Variants in KIAA1549L observed in about 807,000 individuals in gnomAD.
KIAA1549L encodes the protein KIAA1549 like, also known as UPF0606 protein KIAA1549L.
KIAA1549L carries 88 observed loss-of-function variants against 160.7 expected under a neutral mutation model. That is an observed-to-expected ratio of 0.55 (90% CI 0.46 to 0.65). The LOEUF (loss-of-function observed/expected upper bound fraction) is 0.65. KIAA1549L is among the 30% of genes least tolerant of loss of function. KIAA1549L has a pLI of 0.00. For missense variants in KIAA1549L, 2,258 were observed against 2,437.5 expected (o/e 0.93, Z 1.55); for synonymous variants, 950 against 976.7 (o/e 0.97, Z 0.51).
At chr11:33,536,269 G>A (rs1853891135) in intron 1 of KIAA1549L, among the ~76,000 whole-genome samples, 1 of 152,238 alleles carries the variant, frequency 6.6e-6, no homozygotes, top group Non-Finnish European at 1.5e-5. Context: ...AGGGCACAGT[G>A]CGGATGGCTT....
intron 1 of KIAA1549L, among the ~76,000 whole-genome samples, chr11:33,381,564 C>G (rs1423844352): frequency 1.3e-5 from 2 of 152,212 alleles, no homozygotes; most frequent in African/African-American, 4.8e-5. Flanking sequence ...ATAGGACTTA[C>G]TGGCCATGGT....
At chr11:33,657,671 C>T (rs1307443631) in intron 18 of KIAA1549L, among the ~76,000 whole-genome samples, 1 of 152,200 alleles carries the variant, frequency 6.6e-6, no homozygotes, top group Non-Finnish European at 1.5e-5. Context: ...CTGGCATGCA[C>T]CTATAATCCC....
chr11:33,642,065 G>A (rs1006570787), intron 16 of KIAA1549L, among the ~76,000 whole-genome samples: 1 of 152,122 alleles, frequency 6.6e-6, no homozygotes, highest in African/African-American at 2.4e-5. Flanking sequence ...GTGCAGGGAT[G>A]TTTCTCTTCA....
At chr11:33,408,510 T>TATATACAC (rs58439063) in intron 1 of KIAA1549L, among the ~76,000 whole-genome samples, 7 of 146,102 alleles carry the variant, frequency 4.8e-5, no homozygotes, top group African/African-American at 7.7e-5. Context: ...TATATATATA[T>TATATACAC]ACACATGTAT....
rs1374473240 is a variant in KIAA1549L at position 33,670,798 on chromosome 11, C to CTAGA, written c.*2648_*2651dup. 6.6e-6 allele frequency: 1 copy of CTAGA among 152,248 alleles called. No individual in the cohort carries two copies. The highest frequency in any genetic ancestry group is 1.5e-5 in the Non-Finnish European group (1 of 68,068). The allele number at this position is 152,248 out of a possible 1,614,324, so 9.4% of individuals were successfully genotyped here. A position where few individuals can be genotyped will look rare whatever the true frequency, so the allele number is the denominator to read the frequency against. On this transcript the variant is annotated 3_prime_UTR_variant, in exon 21 of 21. Transcript: ENST00000658780. ...CAAACACCCTGTTCATCAGAACCCT[C>CTAGA]TAGATAGTCACAGAAGCCACAAAAG...
chr11:33,378,229 C>A (rs1265293508), intron 1 of KIAA1549L, among the ~76,000 whole-genome samples: 2 of 152,176 alleles, frequency 1.3e-5, no homozygotes, highest in Non-Finnish European at 2.9e-5. Flanking sequence ...TTTTTGTGAA[C>A]TGCTTATGAG....
chr11:33,631,754 C>A (rs1851295138), intron 16 of KIAA1549L, among the ~76,000 whole-genome samples: 3 of 152,184 alleles, frequency 2.0e-5, no homozygotes, highest in Admixed American at 2.0e-4. Context: ...CCAATCAAAG[C>A]CTTCACCTCC....
intron 1 of KIAA1549L, among the ~76,000 whole-genome samples, chr11:33,443,026 C>T (rs150526339): frequency 1.3e-5 from 2 of 152,162 alleles, no homozygotes; most frequent in African/African-American, 4.8e-5. Flanking sequence ...AAATGATTTG[C>T]TTAATTTGCT....
chr11:33,600,300 C>G (rs1009208133), intron 13 of KIAA1549L, among the ~76,000 whole-genome samples: 1 of 152,156 alleles, frequency 6.6e-6, no homozygotes, highest in Non-Finnish European at 1.5e-5. Context: ...TCAGCTCTAT[C>G]GAGTGAGCAC....
At chr11:33,653,296 T>G (rs751757984) in intron 17 of KIAA1549L, among the ~76,000 whole-genome samples, 1 of 152,194 alleles carries the variant, frequency 6.6e-6, no homozygotes, top group Non-Finnish European at 1.5e-5. Flanking sequence ...TCAAAAAAAA[T>G]TGGAAGTACA....
At chr11:33,622,938 T>C (rs1284841424) in intron 16 of KIAA1549L, among the ~76,000 whole-genome samples, 4 of 152,206 alleles carry the variant, frequency 2.6e-5, no homozygotes, top group Non-Finnish European at 5.9e-5. Context: ...GCTTCCTTTG[T>C]TACAGGTGAG....
At chr11:33,402,980 C>T (rs1306331848) in intron 1 of KIAA1549L, among the ~76,000 whole-genome samples, 1 of 152,090 alleles carries the variant, frequency 6.6e-6, no homozygotes, top group East Asian at 1.9e-4. Flanking sequence ...TATGTCTTGT[C>T]ACATACTCCC....
chr11:33,570,959 G>A (rs1855232937), intron 9 of KIAA1549L, among the ~76,000 whole-genome samples: 1 of 152,130 alleles, frequency 6.6e-6, no homozygotes, highest in South Asian at 2.1e-4. Flanking sequence ...ATTTAGACAA[G>A]AAACTCTTAG....
At chr11:33,394,739 A>G (rs534588846) in intron 1 of KIAA1549L, among the ~76,000 whole-genome samples, 29 of 152,370 alleles carry the variant, frequency 1.9e-4, no homozygotes, top group African/African-American at 6.3e-4. Context: ...CACTCACATA[A>G]AGACAAAATG....
rs895510152 is a variant in KIAA1549L at position 33,472,136 on chromosome 11, CCTT to C, written c.239-69662_239-69660del. Among the ~76,000 whole-genome samples the C allele has an allele frequency of 6.6e-5, 10 of 151,906 alleles. No homozygotes were observed. The East Asian group carries it at 9.7e-4, about 15-fold the overall frequency. ...TTTTCCTTTCTCTCTCTTTCTTTCT[CCTT>C]CTTTTCTTTTCTTTCTTCAGGACCT... On this transcript the variant is annotated intron_variant, in intron 1 of 20. Coordinates refer to ENST00000658780, the MANE Select transcript of KIAA1549L (RefSeq NM_012194.3).
In KIAA1549L at chr11:33,544,124, C is replaced by T. The variant is rs763215324; in HGVS notation, c.2561C>T (p.Thr854Ile). 9.9e-6 allele frequency: 16 copies of T among 1,613,928 alleles called. No individual in the cohort carries two copies. Among genetic ancestry groups the T allele is most frequent in the Non-Finnish European group, 1.2e-5 (14 of 1,179,912 alleles). The change falls in exon 2 of 21, where the codon ACA becomes ATA. Residue 854 changes from threonine to isoleucine, a missense_variant. By Grantham distance (89) the Thr-to-Ile change is moderately conservative. Around this residue, in one of 6 missense-constraint regions of KIAA1549L, gnomAD observed 287 missense variants for 292.3 expected, o/e 0.98. Transcript: ENST00000658780. ...CTAACCTCACCAGGACCAACTTCTA[C>T]AGGTAGCTTGCAGGAAATGCTTTCA... ...LLLTSPGPTS[T>I]GSLQEMLSDG...
chr11:33,560,509 A>T (rs1854818060), intron 7 of KIAA1549L, among the ~76,000 whole-genome samples: 1 of 152,162 alleles, frequency 6.6e-6, no homozygotes. Context: ...GTGTGACTTC[A>T]CTTGCTGAGG....
chr11:33,496,143 T>C (rs1852813996), intron 1 of KIAA1549L, among the ~76,000 whole-genome samples: 1 of 152,090 alleles, frequency 6.6e-6, no homozygotes, highest in Non-Finnish European at 1.5e-5. Flanking sequence ...TTTGTATTTT[T>C]AGTAGAGATG....
chr11:33,474,337 A>G (rs1229308113), intron 1 of KIAA1549L, among the ~76,000 whole-genome samples: 1 of 152,254 alleles, frequency 6.6e-6, no homozygotes, highest in Admixed American at 6.5e-5. Flanking sequence ...CAGAGCTCAT[A>G]TCTTTCATTA....
Sources: gnomAD v4.1 joint callset for allele counts (sites outside exome capture counted in the v4.1 genomes callset) on GRCh38, gnomAD v4.1.1 for gene constraint, gnomAD v4.1.1 regional missense constraint, MANE v1.5 for transcripts, NCBI Gene and HGNC (gene_info 2026-07-23, HGNC 2026-07-21) for gene names.